BTD: variants seen among roughly 807,000 people sequenced by gnomAD.
BTD encodes the protein biocytinase.
BTD carries 13 observed loss-of-function variants against 17.7 expected under a neutral mutation model. The ratio of observed to expected loss-of-function variants is 0.74; its 90% CI spans 0.48 to 1.17. The LOEUF (loss-of-function observed/expected upper bound fraction) is 1.17, where lower values mean the gene tolerates loss of function less well. Ranked by LOEUF, BTD falls within the 50% of genes most tolerant of loss-of-function variation. BTD has a pLI of 0.00. For synonymous variants in BTD, 240 were observed against 245.2 expected, an observed-to-expected ratio of 0.98 and a Z score of 0.20; for missense variants, 674 against 650.4, an observed-to-expected ratio of 1.04 and a Z score of -0.39.
Position 15,675,102 on chromosome 3 carries a change from T to G in BTD, c.399+33045T>G, listed in dbSNP as rs1483516512. ...CTGGCCAATATGGTGAAACTCCGTC[T>G]CTACTAAAAATACAAAATTTAGCCA... is the stretch of plus-strand genomic sequence containing the variant. On this transcript the variant is annotated intron_variant, in intron 3 of 3. Coordinates refer to the BTD transcript ENST00000672141. Among the ~76,000 whole-genome samples, 4 of 152,268 alleles carry G rather than the reference T, an allele frequency of 2.6e-5. No homozygotes were observed. In the East Asian group the frequency reaches 7.7e-4, roughly 29 times the overall value.
intron 3 of BTD, among the ~76,000 whole-genome samples, chr3:15,680,503 G>A (rs955608268): frequency 5.9e-5 from 9 of 151,806 alleles, no homozygotes; most frequent in East Asian, 1.9e-4. Flanking sequence ...CACCATGCCC[G>A]GCTAAAATCT....
chr3:15,671,247 CCACAAAGTGTCAA>C (rs1465084959), intron 3 of BTD, among the ~76,000 whole-genome samples: 1 of 152,098 alleles, frequency 6.6e-6, no homozygotes, highest in African/African-American at 2.4e-5. Context: ...TCGTAAGTTA[CCACAAAGTGTCAA>C]CACAGCAAAC....
intron 1 of BTD, among the ~76,000 whole-genome samples, chr3:15,630,278 G>C (rs1461598307): frequency 6.6e-6 from 1 of 152,168 alleles, no homozygotes; most frequent in Non-Finnish European, 1.5e-5. Context: ...CTGCTATTGC[G>C]ATACCTAAGG....
At chr3:15,623,984 G>A (rs975945676) in intron 1 of BTD, among the ~76,000 whole-genome samples, 8 of 152,124 alleles carry the variant, frequency 5.3e-5, no homozygotes, top group South Asian at 4.1e-4. Flanking sequence ...TAATACAGAC[G>A]CACAATGCTA....
chr3:15,617,186 GTTC>G (rs1255776092), intron 1 of BTD, among the ~76,000 whole-genome samples: 1 of 152,190 alleles, frequency 6.6e-6, no homozygotes. Context: ...AGTTTTAACA[GTTC>G]TTTGATATTT....
chr3:15,621,601 CT>C (rs150832946), intron 1 of BTD, among the ~76,000 whole-genome samples: 15 of 149,052 alleles, frequency 1.0e-4, no homozygotes, highest in African/African-American at 3.2e-4. Context: ...TTATCATTTT[CT>C]TTTTTTTTTC....
At chr3:15,694,512 T>C (rs1201375337) in intron 3 of BTD, among the ~76,000 whole-genome samples, 2 of 151,438 alleles carry the variant, frequency 1.3e-5, no homozygotes, top group Non-Finnish European at 2.9e-5. Flanking sequence ...AGGATCACTG[T>C]CTGTCTTTTT....
chr3:15,705,234 C>CT (rs2125997183), intron 3 of BTD, among the ~76,000 whole-genome samples: 1 of 152,292 alleles, frequency 6.6e-6, no homozygotes, highest in African/African-American at 2.4e-5. Context: ...GATTTTAGTA[C>CT]TAGTACCCTT....
intron 3 of BTD, among the ~76,000 whole-genome samples, chr3:15,671,390 T>C (rs2066332466): frequency 6.6e-6 from 1 of 152,102 alleles, no homozygotes; most frequent in Admixed American, 6.6e-5. Flanking sequence ...CTTTAATAGT[T>C]TTATCACATA....
At chr3:15,665,116 G>A (rs1246047070) in intron 3 of BTD, among the ~76,000 whole-genome samples, 1 of 152,134 alleles carries the variant, frequency 6.6e-6, no homozygotes, top group Non-Finnish European at 1.5e-5. Flanking sequence ...GAGTCATAGG[G>A]GAAAGGGGAA....
chr3:15,621,758 C>A (rs1307772581), intron 1 of BTD, among the ~76,000 whole-genome samples: 7 of 152,058 alleles, frequency 4.6e-5, no homozygotes, highest in Admixed American at 4.6e-4. Flanking sequence ...CACCACCACG[C>A]CTGGCTAATT....
chr3:15,691,543 GAAAT>G (rs1026797441), intron 3 of BTD, among the ~76,000 whole-genome samples: 8 of 152,188 alleles, frequency 5.3e-5, no homozygotes, highest in African/African-American at 1.9e-4. Context: ...AGGACATAAA[GAAAT>G]AAATAAACTT....
At chr3:15,601,558 T>C (rs1010036010), upstream of BTD, 10 of 1,603,050 alleles carry the variant, frequency 6.2e-6, no homozygotes, top group South Asian at 1.1e-5. Context: ...CCACCTCTGG[T>C]ACTGCACCTC....
At chr3:15,612,099 A>G (rs2064654322) in intron 1 of BTD, among the ~76,000 whole-genome samples, 1 of 151,696 alleles carries the variant, frequency 6.6e-6, no homozygotes, top group South Asian at 2.1e-4. Context: ...TGAGCATGCC[A>G]TTACTCTTTT....
intron 3 of BTD, chr3:15,689,994 A>C: frequency 1.3e-6 from 2 of 1,561,608 alleles, no homozygotes; most frequent in Non-Finnish European, 1.7e-6. Context: ...AGTTATAAAT[A>C]AATCAAGCAT....
chr3:15,695,224 A>C, intron 3 of BTD: 1 of 1,566,432 alleles, frequency 6.4e-7, no homozygotes, highest in Admixed American at 1.8e-5. Context: ...TCTGAAATAA[A>C]AGTCAAAACA....
chr3:15,693,163 G>A (rs900308003), intron 3 of BTD, among the ~76,000 whole-genome samples: 1 of 152,168 alleles, frequency 6.6e-6, no homozygotes, highest in Non-Finnish European at 1.5e-5. Flanking sequence ...AAGATAAAAA[G>A]ATTCTGGAGA....
chr3:15,652,379 G>T lies in BTD; in HGVS notation c.*6891G>T, dbSNP rs1433452575. On this transcript the variant is annotated 3_prime_UTR_variant, in exon 4 of 4. Coordinates refer to ENST00000643237, the MANE Select transcript of BTD (RefSeq NM_001370658.1). ...CTTGGTTGCTCACTTGCTATCTTGG[G>T]TCCCTCCCTCTGGGGAAAGCCAGTT... Among the ~76,000 whole-genome samples, 1 of 152,062 alleles carries T rather than the reference G, an allele frequency of 6.6e-6. No homozygotes were observed.
intron 3 of BTD, among the ~76,000 whole-genome samples, chr3:15,680,627 C>T (rs2067439340): frequency 6.6e-6 from 1 of 152,074 alleles, no homozygotes; most frequent in Non-Finnish European, 1.5e-5. Flanking sequence ...ATGATATTAT[C>T]AACAACGCTG....
Sources: allele counts gnomAD v4.1 joint callset (sites outside exome capture counted in the v4.1 genomes callset), GRCh38; gene constraint gnomAD v4.1.1; transcripts MANE v1.5; gene names NCBI Gene and HGNC (gene_info 2026-07-23, HGNC 2026-07-21).